EIF2B3: variants seen among roughly 807,000 people sequenced by gnomAD.
EIF2B3 encodes the protein translation initiation factor eIF2B subunit gamma.
A neutral mutation model predicts 54.1 loss-of-function variants in EIF2B3; 20 were observed. That is an observed-to-expected ratio of 0.37 (90% CI 0.26 to 0.54). EIF2B3 has a LOEUF of 0.54. Ranked by LOEUF, EIF2B3 falls within the 20% of genes least tolerant of loss-of-function variation. The probability of loss-of-function intolerance (pLI) is 0.86; values close to 1 mark genes in which losing one functional copy is unlikely to be tolerated. For missense variants in EIF2B3, 448 were observed against 547.8 expected, an observed-to-expected ratio of 0.82 and a Z score of 1.82; for synonymous variants, 153 against 188.1, an observed-to-expected ratio of 0.81 and a Z score of 1.52.
At chr1:44,968,179 C>T (rs1644365075) in intron 3 of EIF2B3, among the ~76,000 whole-genome samples, 1 of 151,804 alleles carries the variant, frequency 6.6e-6, no homozygotes, top group African/African-American at 2.4e-5. Context: ...GCCTAGGTAA[C>T]AAGGCAAAAC....
At chr1:44,958,982 A>G (rs1644256379) in intron 3 of EIF2B3, 1 of 753,190 alleles carries the variant, frequency 1.3e-6, no homozygotes, top group Non-Finnish European at 2.4e-6. Context: ...TGAAAGGGGA[A>G]GTCACCTCCA....
At chr1:44,864,797 T>C (rs1654716734) in intron 10 of EIF2B3, among the ~76,000 whole-genome samples, 2 of 152,200 alleles carry the variant, frequency 1.3e-5, no homozygotes, top group African/African-American at 4.8e-5. Context: ...TAGGATTCTT[T>C]TGTGTTTTCT....
intron 3 of EIF2B3, among the ~76,000 whole-genome samples, chr1:44,954,708 C>T (rs1364943750): frequency 6.6e-6 from 1 of 152,074 alleles, no homozygotes; most frequent in East Asian, 1.9e-4. Context: ...TATTTGAATA[C>T]CTTTATTTCT....
intron 5 of EIF2B3, among the ~76,000 whole-genome samples, chr1:44,920,071 G>T (rs1293911176): frequency 6.9e-6 from 1 of 144,760 alleles, no homozygotes; most frequent in Non-Finnish European, 1.5e-5. Flanking sequence ...GTCTCCCTCT[G>T]TCGTTCAGGC....
chr1:44,932,867 A>G (rs1247793402), intron 4 of EIF2B3, among the ~76,000 whole-genome samples: 3 of 152,214 alleles, frequency 2.0e-5, no homozygotes, highest in Admixed American at 6.5e-5. Flanking sequence ...TCAGGGATAC[A>G]AAAGCTCAAA....
At chr1:44,854,454 C>T (rs925670394) in intron 11 of EIF2B3, among the ~76,000 whole-genome samples, 2 of 151,700 alleles carry the variant, frequency 1.3e-5, no homozygotes, top group Admixed American at 6.6e-5. Context: ...GGCTTGTTTT[C>T]GTGTTGGTGC....
intron 3 of EIF2B3, among the ~76,000 whole-genome samples, chr1:44,972,229 A>C (rs1644405781): frequency 7.3e-6 from 1 of 137,796 alleles, no homozygotes; most frequent in South Asian, 2.3e-4. Flanking sequence ...CTCTAAAAAA[A>C]AATACACACA....
intron 3 of EIF2B3, among the ~76,000 whole-genome samples, chr1:44,954,914 A>G (rs1008895660): frequency 1.3e-5 from 2 of 152,182 alleles, no homozygotes; most frequent in African/African-American, 4.8e-5. Context: ...TAGTTTACTG[A>G]GAGTTTTTTA....
rs796372785 is a variant in EIF2B3, at chr1:44,877,214, A to C, written c.976-1519T>G. Among the ~76,000 whole-genome samples the C allele has an allele frequency of 2.5e-3, 369 of 148,552 alleles. 3 individuals are homozygous for C. The highest frequency in any genetic ancestry group is 9.0e-3 in the African/African-American group (356 of 39,426). ...CAATAAAAAAAAAAAAAAAAAAAAA[A>C]AAAAAAAACACCTTAGGTAGAACCC... On this transcript the variant is annotated intron_variant, in intron 8 of 11. Coordinates refer to ENST00000360403, the MANE Select transcript of EIF2B3 (RefSeq NM_020365.5).
intron 5 of EIF2B3, among the ~76,000 whole-genome samples, chr1:44,899,666 A>AAACAAC (rs373660820): frequency 6.6e-6 from 1 of 152,150 alleles, no homozygotes; most frequent in Non-Finnish European, 1.5e-5. Flanking sequence ...TTAAAAAGTC[A>AAACAAC]AACAACAACA....
chr1:44,875,758 T>A, intron 8 of EIF2B3, 63 bp from the exon 9 acceptor site: 1 of 1,323,248 alleles, frequency 7.6e-7, no homozygotes, highest in Non-Finnish European at 1.1e-6. Context: ...TCCCTCTCCC[T>A]CTCCCTCTAC....
intron 1 of EIF2B3, among the ~76,000 whole-genome samples, chr1:44,982,368 G>A (rs955678927): frequency 1.3e-5 from 2 of 152,020 alleles, no homozygotes; most frequent in South Asian, 2.1e-4. Context: ...CCGTGATCTC[G>A]GCTCACTGCA....
chr1:44,883,792 A>G (rs1051174431), intron 6 of EIF2B3, among the ~76,000 whole-genome samples: 1 of 152,188 alleles, frequency 6.6e-6, no homozygotes, highest in Admixed American at 6.5e-5. Context: ...AGATGAACCC[A>G]CTGAGGAGTT....
chr1:44,859,965 C>T (rs949189813), intron 10 of EIF2B3, among the ~76,000 whole-genome samples: 1 of 151,268 alleles, frequency 6.6e-6, no homozygotes, highest in Non-Finnish European at 1.5e-5. Flanking sequence ...GTCATGTTGG[C>T]CAGGCTGGTC....
At chr1:44,896,248 C>T (rs1427241356) in intron 6 of EIF2B3, among the ~76,000 whole-genome samples, 2 of 152,166 alleles carry the variant, frequency 1.3e-5, no homozygotes, top group Non-Finnish European at 1.5e-5. Flanking sequence ...GGGAGCAGGG[C>T]AACTGTGTCC....
rs548910543 is a variant in EIF2B3, at chr1:44,853,783, C to A, written c.1307-2780G>T. On this transcript the variant is annotated intron_variant, in intron 11 of 11. Transcript: ENST00000360403. The stretch of plus-strand genomic sequence containing the variant: ...GCAATGGGATAGAAGGGAAAAACAT[C>A]ACAAATAAAAGGTGCACTGTTGGGA... Among the ~76,000 whole-genome samples the A allele has an allele frequency of 3.3e-5, 5 of 152,126 alleles. No individual in the cohort carries two copies. The South Asian group carries it at 1.0e-3, about 32-fold the overall frequency.
intron 3 of EIF2B3, among the ~76,000 whole-genome samples, chr1:44,965,009 G>T (rs534109502): frequency 9.9e-5 from 15 of 152,230 alleles, no homozygotes; most frequent in Admixed American, 9.2e-4. Context: ...CTCTAATATG[G>T]GTCAGGATCC....
At chr1:44,901,549 CCTTT>C (rs1643304850) in intron 5 of EIF2B3, among the ~76,000 whole-genome samples, 1 of 141,118 alleles carries the variant, frequency 7.1e-6, no homozygotes, top group South Asian at 2.2e-4. Context: ...CTGGGCCTGG[CCTTT>C]TTTTTTTTTT....
rs577414573 is a variant in EIF2B3 at position 44,876,478 on chromosome 1, C to T, written c.976-783G>A. On this transcript the variant is annotated intron_variant, in intron 8 of 11. Transcript: ENST00000360403. Reference sequence around the variant, plus strand: ...GAGACCCTCTGCCTGGCAGCCGCCCCGTCTGAGAAGTGAGGAGCCCCTCCG... The same window carrying T: ...GAGACCCTCTGCCTGGCAGCCGCCCTGTCTGAGAAGTGAGGAGCCCCTCCG... 1.3e-3 allele frequency among the ~76,000 whole-genome samples: 176 copies of T among 132,922 alleles called. 3 individuals carry two copies. Among genetic ancestry groups the T allele is most frequent in the African/African-American group, 4.9e-3 (170 of 34,424 alleles). 87.2% of individuals were successfully genotyped at this position (132,922 alleles called of 152,430 possible). A position where few individuals can be genotyped will look rare whatever the true frequency, so the allele number is the denominator to read the frequency against.
Sources: allele counts gnomAD v4.1 joint callset (sites outside exome capture counted in the v4.1 genomes callset), GRCh38; gene constraint gnomAD v4.1.1; transcripts MANE v1.5; gene names NCBI Gene and HGNC (gene_info 2026-07-23, HGNC 2026-07-21).